The following SPPL2A variants were observed in gnomAD, a reference collection of about 807,000 sequenced individuals.
The protein encoded by SPPL2A is signal peptide peptidase like 2A.
In SPPL2A, 51 loss-of-function variants were observed where a neutral mutation model predicts 63.8. The ratio of observed to expected loss-of-function variants is 0.80; its 90% CI spans 0.64 to 1.01. SPPL2A has a LOEUF of 1.01. Ranked by LOEUF, SPPL2A falls within the 50% of genes least tolerant of loss-of-function variation. The probability of loss-of-function intolerance (pLI) is 0.00; values close to 1 mark genes in which losing one functional copy is unlikely to be tolerated. For missense variants in SPPL2A, 553 were observed against 622.7 expected (o/e 0.89, Z 1.19); for synonymous variants, 188 against 205.8 (o/e 0.91, Z 0.74).
intron 8 of SPPL2A, among the ~76,000 whole-genome samples, chr15:50,733,946 A>G (rs541433640): frequency 2.0e-5 from 3 of 152,318 alleles, no homozygotes; most frequent in East Asian, 1.9e-4. Context: ...TCTGATTGCA[A>G]TTAGAGAAAT....
chr15:50,732,780 T>A, intron 8 of SPPL2A, 96 bp from the exon 9 acceptor site: 1 of 730,558 alleles, frequency 1.4e-6, no homozygotes, highest in Non-Finnish European at 2.3e-6. Context: ...TTAATTGCTA[T>A]GATTTGACTA....
Position 50,731,052 on chromosome 15 carries a change from GAAACA to G in SPPL2A, c.1015-18_1015-14del. ...GTATCACACATGACTGTCAAAGAAAGAAACAAAATTAAAGGTCAATCTTCCTAAAT... is the reference window on the plus strand; with the variant it reads ...GTATCACACATGACTGTCAAAGAAAGAAATTAAAGGTCAATCTTCCTAAAT... On this transcript the variant is annotated splice_polypyrimidine_tract_variant and intron_variant, in intron 9 of 14. Coordinates refer to ENST00000261854, the MANE Select transcript of SPPL2A (RefSeq NM_032802.4). 2 of 1,290,434 alleles carry G rather than the reference GAAACA, an allele frequency of 1.5e-6. No individual in the cohort carries two copies. The highest frequency in any genetic ancestry group is 4.7e-5 in the East Asian group (2 of 42,650). The allele number at this position is 1,290,434 out of a possible 1,614,324, so 79.9% of individuals were successfully genotyped here.
intron 10 of SPPL2A, among the ~76,000 whole-genome samples, chr15:50,728,330 T>C (rs1327314026): frequency 6.6e-6 from 1 of 152,162 alleles, no homozygotes; most frequent in Non-Finnish European, 1.5e-5. Flanking sequence ...AATTAACAAT[T>C]TTATTTTTTA....
At chr15:50,752,440 G>A (rs950026580) in intron 1 of SPPL2A, among the ~76,000 whole-genome samples, 3 of 151,868 alleles carry the variant, frequency 2.0e-5, no homozygotes, top group South Asian at 2.1e-4. Context: ...AAATTAGGCC[G>A]GGCGCAGTGG....
Position 50,728,218 on chromosome 15 carries a change from G to A in SPPL2A, c.1090-1841C>T, listed in dbSNP as rs528180749. ...TGTTATGGATTATCTGTTGATTTATGGAAATGGCTTTGTAGAGGGAACATT... is the reference window on the plus strand; with the variant it reads ...TGTTATGGATTATCTGTTGATTTATAGAAATGGCTTTGTAGAGGGAACATT... On this transcript the variant is annotated intron_variant, in intron 10 of 14. Coordinates refer to ENST00000261854, the MANE Select transcript of SPPL2A (RefSeq NM_032802.4). Among the ~76,000 whole-genome samples the A allele has an allele frequency of 5.9e-5, 9 of 152,258 alleles. No homozygotes were observed. The South Asian group carries it at 1.9e-3, about 32-fold the overall frequency.
chr15:50,759,246 C>A (rs1271198492), intron 1 of SPPL2A, among the ~76,000 whole-genome samples: 1 of 151,954 alleles, frequency 6.6e-6, no homozygotes, highest in Non-Finnish European at 1.5e-5. Flanking sequence ...ATAAAGTTCA[C>A]AAATTTATCC....
intron 1 of SPPL2A, among the ~76,000 whole-genome samples, chr15:50,750,290 G>C (rs1256645914): frequency 6.6e-6 from 1 of 152,114 alleles, no homozygotes; most frequent in Non-Finnish European, 1.5e-5. Context: ...TTTTGGTAGA[G>C]ACAGGGTTTC....
chr15:50,733,539 T>C (rs2062746605), intron 8 of SPPL2A, among the ~76,000 whole-genome samples: 1 of 152,160 alleles, frequency 6.6e-6, no homozygotes, highest in African/African-American at 2.4e-5. Context: ...GACTTAAATC[T>C]AAGACCTGAA....
chr15:50,727,886 G>A (rs1243052475), intron 10 of SPPL2A, among the ~76,000 whole-genome samples: 3 of 152,160 alleles, frequency 2.0e-5, no homozygotes, highest in South Asian at 2.1e-4. Context: ...TCCAAAGAGC[G>A]AGCACTTAGC....
At chr15:50,728,079 G>A (rs758669375) in intron 10 of SPPL2A, among the ~76,000 whole-genome samples, 129 of 152,266 alleles carry the variant, frequency 8.5e-4, no homozygotes, top group East Asian at 4.1e-3. Flanking sequence ...CAGTTTGCTG[G>A]GGCAGATATG....
At chr15:50,740,221 G>A (rs2141043719) in intron 5 of SPPL2A, among the ~76,000 whole-genome samples, 1 of 152,024 alleles carries the variant, frequency 6.6e-6, no homozygotes, top group Admixed American at 6.6e-5. Context: ...GAGGTCAGGA[G>A]TTCGAGACCA....
chr15:50,726,349 G>A lies in SPPL2A; in HGVS notation c.1118C>T (p.Ala373Val). 6.2e-7 allele frequency: 1 copy of A among 1,614,034 alleles called. No homozygotes were observed. Among genetic ancestry groups the A allele is most frequent in the African/African-American group, 1.3e-5 (1 of 75,050 alleles). ...TTCATTATTTCCAAAAGGTCCAGCTGCGAGTTCAACCATGATACTCTCACC... is the reference window on the plus strand; with the variant it reads ...TTCATTATTTCCAAAAGGTCCAGCTACGAGTTCAACCATGATACTCTCACC... ...KNGESIMVEL[A>V]AGPFGNNEKL... The change falls in exon 11 of 15, where the codon GCA becomes GTA. Residue 373 changes from alanine to valine, a missense_variant. Physicochemically the swap from Ala to Val is moderately conservative, Grantham distance 64. Transcript: ENST00000261854.
In SPPL2A at chr15:50,707,712, T is replaced by C. The variant is rs74983758; in HGVS notation, c.*88A>G. 993 of 731,714 alleles carry C rather than the reference T, an allele frequency of 1.4e-3. 8 individuals are homozygous for C. The African/African-American group carries it at 0.015, about 11-fold the overall frequency. The allele number at this position is 731,714 out of a possible 1,614,324, so 45.3% of individuals were successfully genotyped here. A position where few individuals can be genotyped will look rare whatever the true frequency, so the allele number is the denominator to read the frequency against. The stretch of plus-strand genomic sequence containing the variant: ...TTTGCAAGCATATCATTGAAGACTC[T>C]TTCAGATTGTCAATTCAAAAGTCAA... On this transcript the variant is annotated 3_prime_UTR_variant, in exon 15 of 15. Coordinates refer to ENST00000261854, the MANE Select transcript of SPPL2A (RefSeq NM_032802.4).
intron 1 of SPPL2A, among the ~76,000 whole-genome samples, chr15:50,759,661 T>C (rs1398076174): frequency 6.6e-6 from 1 of 151,192 alleles, no homozygotes; most frequent in African/African-American, 2.4e-5. Context: ...GAGAATGGCG[T>C]GAAGCCAGGA....
intron 14 of SPPL2A, among the ~76,000 whole-genome samples, chr15:50,719,694 T>G (rs1241845443): frequency 6.6e-6 from 1 of 151,704 alleles, no homozygotes; most frequent in Non-Finnish European, 1.5e-5. Flanking sequence ...GTTGAAATGC[T>G]ATTTTGTTTT....
rs1393595683 is a variant in SPPL2A at position 50,703,354 on chromosome 15, A to ATTTTTTTTTTTTTTTT, written c.*4445_*4446insAAAAAAAAAAAAAAAA. On this transcript the variant is annotated 3_prime_UTR_variant, in exon 15 of 15. Transcript: ENST00000261854. ...TATATATATATATATATACATATAT[A>ATTTTTTTTTTTTTTTT]TATTTTTTTTTTTTTTTTTTTTTTT... 3.0e-5 allele frequency: 2 copies of ATTTTTTTTTTTTTTTT among 65,834 alleles called. No individual in the cohort carries two copies. Among genetic ancestry groups the ATTTTTTTTTTTTTTTT allele is most frequent in the African/African-American group, 6.3e-5 (1 of 15,960 alleles). The allele number at this position is 65,834 out of a possible 1,614,324, so 4.1% of individuals were successfully genotyped here.
intron 9 of SPPL2A, 100 bp from the exon 10 acceptor site, chr15:50,731,139 T>C (rs1157834789): frequency 5.3e-6 from 3 of 563,936 alleles, no homozygotes; most frequent in Non-Finnish European, 9.6e-6. Flanking sequence ...AATATACATT[T>C]AAATATTACT....
chr15:50,720,990 CTT>C lies in SPPL2A; in HGVS notation c.1328-892_1328-891del, dbSNP rs140126978. Among the ~76,000 whole-genome samples, 405 of 152,172 alleles carry C rather than the reference CTT, an allele frequency of 2.7e-3. 1 individual carries two copies. The highest frequency in any genetic ancestry group is 9.3e-3 in the African/African-American group (386 of 41,508). On this transcript the variant is annotated intron_variant, in intron 13 of 14. Coordinates refer to ENST00000261854, the MANE Select transcript of SPPL2A (RefSeq NM_032802.4). ...ATTAATGAACACTCCTATAATCTGC[CTT>C]TGGATACTAATATGTTAAAGCCCTG...
rs757777106 is a variant in SPPL2A, at chr15:50,748,851, T to G, written c.197A>C (p.Asn66Thr). 1.0e-5 allele frequency: 16 copies of G among 1,579,654 alleles called. No individual in the cohort carries two copies. In the African/African-American group the frequency reaches 2.1e-4, roughly 20 times the overall value. ...GTTGCATAGTGGTGTGGAAGTCAGATTCATCAAACTAATGGAAGTCTGAAA... is the reference window on the plus strand; with the variant it reads ...GTTGCATAGTGGTGTGGAAGTCAGAGTCATCAAACTAATGGAAGTCTGAAA... The part of the protein sequence containing the change: ...LENATSISLM[N>T]LTSTPLCNLS... Residue 66 changes from asparagine (N) to threonine (T), a missense_variant, in exon 3 of 15, where the codon AAT (asparagine) becomes ACT (threonine). By Grantham distance (65) the Asn-to-Thr change is moderately conservative (BLOSUM62 0). Transcript: ENST00000261854.
Sources: allele counts gnomAD v4.1 joint callset (sites outside exome capture counted in the v4.1 genomes callset), GRCh38; gene constraint gnomAD v4.1.1; transcripts MANE v1.5; gene names NCBI Gene and HGNC (gene_info 2026-07-23, HGNC 2026-07-21).